TRPM3: variants seen among roughly 807,000 people sequenced by gnomAD.
TRPM3 encodes the protein transient receptor potential cation channel subfamily M member 3, also known as long transient receptor potential channel 3.
TRPM3 carries 77 observed loss-of-function variants against 181.2 expected under a neutral mutation model. The observed-to-expected ratio is 0.42, with a 90% CI of 0.35 to 0.51. The LOEUF is 0.51. Ranked by LOEUF, TRPM3 falls within the 20% of genes least tolerant of loss-of-function variation. TRPM3 has a pLI of 0.01. For missense variants in TRPM3, 1,759 were observed against 2,196.7 expected (o/e 0.80, Z 3.98); for synonymous variants, 745 against 796.4 (o/e 0.94, Z 1.09).
intron 3 of TRPM3, among the ~76,000 whole-genome samples, chr9:70,852,790 G>A (rs1349624922): frequency 6.6e-6 from 1 of 151,936 alleles, no homozygotes; most frequent in Non-Finnish European, 1.5e-5. Context: ...CCTGCATTTG[G>A]CCAGCACTGC....
chr9:70,623,866 C>CTT (rs35568184), intron 14 of TRPM3, among the ~76,000 whole-genome samples: 24 of 149,632 alleles, frequency 1.6e-4, no homozygotes, highest in Admixed American at 4.0e-4. Context: ...ATTATAGCCA[C>CTT]TTTTTTTTTT....
chr9:70,601,055 T>A (rs1306641550), intron 20 of TRPM3, among the ~76,000 whole-genome samples: 2 of 151,054 alleles, frequency 1.3e-5, no homozygotes, highest in Admixed American at 1.3e-4. Flanking sequence ...CGTGGGGGAG[T>A]AGAAAGAGCA....
Position 70,663,120 on chromosome 9 carries a change from T to TAAG in TRPM3, c.1345+18383_1345+18385dup, listed in dbSNP as rs1564753290. Among the ~76,000 whole-genome samples the TAAG allele has an allele frequency of 2.6e-5, 4 of 152,206 alleles. No homozygotes were observed. The South Asian group carries it at 8.3e-4, about 32-fold the overall frequency. On this transcript the variant is annotated intron_variant, in intron 9 of 25. Transcript: ENST00000677713. ...TGGGTGGAGCTGGAGGCTATTATTCTAAGTGAAGTAACTCAGGAATGGAAA... is the reference window on the plus strand; with the variant it reads ...TGGGTGGAGCTGGAGGCTATTATTCTAAGAAGTGAAGTAACTCAGGAATGGAAA...
At chr9:71,248,821 G>C (rs976996239) in intron 1 of TRPM3, among the ~76,000 whole-genome samples, 1 of 152,132 alleles carries the variant, frequency 6.6e-6, no homozygotes, top group Non-Finnish European at 1.5e-5. Flanking sequence ...ATAAATAAAA[G>C]TTCTGTGTTT....
Position 71,332,867 on chromosome 9 carries a change from T to C in TRPM3, c.183+113786A>G, listed in dbSNP as rs1007775302. On this transcript the variant is annotated intron_variant, in intron 1 of 24. Transcript: ENST00000357533. The stretch of plus-strand genomic sequence containing the variant: ...TGGTTTCTAAGTGTGACAACTTTTA[T>C]GTAATATATTCTAGTAGGTTTTCTT... 5.9e-5 allele frequency among the ~76,000 whole-genome samples: 9 copies of C among 151,634 alleles called. 1 individual carries two copies. The South Asian group carries it at 6.2e-4, about 11-fold the overall frequency.
intron 1 of TRPM3, among the ~76,000 whole-genome samples, chr9:71,374,541 C>T (rs1190754490): frequency 6.6e-6 from 1 of 152,150 alleles, no homozygotes; most frequent in African/African-American, 2.4e-5. Flanking sequence ...CAGCACAAGA[C>T]AAGGATACCC....
Position 71,040,832 on chromosome 9 carries a change from T to G in TRPM3, c.177+80346A>C, listed in dbSNP as rs189752903. Among the ~76,000 whole-genome samples, 161 of 152,074 alleles carry G rather than the reference T, an allele frequency of 1.1e-3. 1 individual carries two copies. The highest frequency in any genetic ancestry group is 1.8e-3 in the Non-Finnish European group (124 of 67,980). Reference sequence around the variant, plus strand: ...AAAATGCATCACCTGAATATAATCATGAGGAGGCATCAGACAAACTCAAAT... The same window carrying G: ...AAAATGCATCACCTGAATATAATCAGGAGGAGGCATCAGACAAACTCAAAT... On this transcript the variant is annotated intron_variant, in intron 1 of 25. Transcript: ENST00000677713.
At chr9:71,082,344 AT>A (rs2133773711) in intron 1 of TRPM3, among the ~76,000 whole-genome samples, 1 of 152,240 alleles carries the variant, frequency 6.6e-6, no homozygotes, top group African/African-American at 2.4e-5. Context: ...CATGATGCCA[AT>A]TTTCCTCACA....
intron 1 of TRPM3, among the ~76,000 whole-genome samples, chr9:71,183,508 A>G (rs927121952): frequency 6.6e-6 from 1 of 152,150 alleles, no homozygotes; most frequent in African/African-American, 2.4e-5. Flanking sequence ...TCACCCTGAC[A>G]ACAGTCCTAG....
chr9:70,549,165 G>A (rs1322149668), intron 25 of TRPM3, among the ~76,000 whole-genome samples: 4 of 152,180 alleles, frequency 2.6e-5, no homozygotes, highest in Non-Finnish European at 5.9e-5. Flanking sequence ...TGGAAAAGAC[G>A]TGCAATAGTC....
Position 71,368,782 on chromosome 9 carries a change from T to A in TRPM3, c.183+77871A>T, listed in dbSNP as rs2132780662. On this transcript the variant is annotated intron_variant, in intron 1 of 24. Coordinates refer to the TRPM3 transcript ENST00000357533. ...CTATAACAAAACGAAATCTTTTTGA[T>A]TCACAACAGAACAATTAGACAAACA... Among the ~76,000 whole-genome samples, 3 of 152,294 alleles carry A rather than the reference T, an allele frequency of 2.0e-5. No homozygotes were observed. The Middle Eastern group carries it at 0.01, about 518-fold the overall frequency.
At chr9:70,898,982 G>A (rs2096341269) in intron 1 of TRPM3, among the ~76,000 whole-genome samples, 1 of 152,020 alleles carries the variant, frequency 6.6e-6, no homozygotes, top group African/African-American at 2.4e-5. Context: ...TATGAAGCTT[G>A]GACAACAGAA....
chr9:71,361,153 A>C (rs1204296989), intron 1 of TRPM3, among the ~76,000 whole-genome samples: 1 of 151,986 alleles, frequency 6.6e-6, no homozygotes, highest in Non-Finnish European at 1.5e-5. Flanking sequence ...CGCCCAGCTA[A>C]TTTTTGTATT....
intron 1 of TRPM3, among the ~76,000 whole-genome samples, chr9:71,009,027 C>T (rs2134340185): frequency 6.6e-6 from 1 of 152,214 alleles, no homozygotes; most frequent in South Asian, 2.1e-4. Context: ...ATTCAAAATC[C>T]TTTCATGATA....
intron 1 of TRPM3, among the ~76,000 whole-genome samples, chr9:71,017,256 G>A (rs967309843): frequency 3.3e-5 from 5 of 151,726 alleles, no homozygotes; most frequent in African/African-American, 1.2e-4. Context: ...ATAAAAGAGG[G>A]CAAGAAAGGA....
At chr9:71,009,524 C>A (rs2097714107) in intron 1 of TRPM3, among the ~76,000 whole-genome samples, 1 of 151,922 alleles carries the variant, frequency 6.6e-6, no homozygotes, top group African/African-American at 2.4e-5. Context: ...AATAAACAAC[C>A]AAGGAGGTGA....
intron 22 of TRPM3, among the ~76,000 whole-genome samples, chr9:70,573,756 A>G (rs2053099177): frequency 6.6e-6 from 1 of 152,164 alleles, no homozygotes. Context: ...CATCAAGACC[A>G]GCACTGTTAG....
At chr9:71,199,023 T>G in intron 1 of TRPM3, among the ~76,000 whole-genome samples, 1 of 145,790 alleles carries the variant, frequency 6.9e-6, no homozygotes, top group Non-Finnish European at 1.5e-5. Flanking sequence ...CATAGATAGC[T>G]CTTATTATTT....
chr9:71,022,042 T>C (rs2097851295), intron 1 of TRPM3, among the ~76,000 whole-genome samples: 1 of 152,114 alleles, frequency 6.6e-6, no homozygotes, highest in South Asian at 2.1e-4. Flanking sequence ...TTATTATAAA[T>C]TAAAAATCTA....
Sources: gnomAD v4.1 joint callset for allele counts (sites outside exome capture counted in the v4.1 genomes callset) on GRCh38, gnomAD v4.1.1 for gene constraint, MANE v1.5 for transcripts, NCBI Gene and HGNC (gene_info 2026-07-23, HGNC 2026-07-21) for gene names.